TTC21A: variants seen among roughly 807,000 people sequenced by gnomAD.
The protein encoded by TTC21A is tetratricopeptide repeat domain 21A.
Under a neutral mutation model 156.4 loss-of-function variants are expected in TTC21A, and 128 were observed. The observed-to-expected ratio is 0.82, with a 90% CI of 0.71 to 0.95. TTC21A has a LOEUF of 0.95. Among genes scored for constraint, TTC21A ranks in the 40% least tolerant of loss-of-function variants. The pLI, the probability that TTC21A is intolerant of heterozygous loss-of-function variation, is 0.00. For synonymous variants in TTC21A, 587 were observed against 617.1 expected (o/e 0.95, Z 0.72); for missense variants, 1,435 against 1,602.3 (o/e 0.90, Z 1.78).
intron 8 of TTC21A, among the ~76,000 whole-genome samples, chr3:39,120,381 C>T (rs1234511362): frequency 6.6e-6 from 1 of 152,188 alleles, no homozygotes; most frequent in East Asian, 1.9e-4. Flanking sequence ...GTGCCCATCT[C>T]CCATATTCTT....
intron 6 of TTC21A, among the ~76,000 whole-genome samples, chr3:39,117,656 T>A (rs2037406440): frequency 6.6e-6 from 1 of 152,184 alleles, no homozygotes; most frequent in Non-Finnish European, 1.5e-5. Flanking sequence ...CAGGCAAAGT[T>A]GGTGGTGGCT....
Position 39,110,063 on chromosome 3 carries a change from C to T in TTC21A, c.192C>T (p.Ser64=). 3 of 1,614,126 alleles carry T rather than the reference C, an allele frequency of 1.9e-6. No individual in the cohort carries two copies. Among genetic ancestry groups the T allele is most frequent in the Non-Finnish European group, 2.5e-6 (3 of 1,180,004 alleles). The change falls in exon 3 of 29, where the codon AGC becomes AGT. Residue 64 remains serine (S), a synonymous_variant. Transcript: ENST00000683103. ...AGGATGCCATCAGTGACCTGGAAAG[C>T]ATCAGGCATCACCCAGACGTGTCCC... ...HIQDAISDLE[S]IRHHPDVSLC...
At chr3:39,136,576 C>T (rs1214930821) in intron 23 of TTC21A, 69 bp downstream of exon 23, 1 of 1,547,188 alleles carries the variant, frequency 6.5e-7, no homozygotes, top group African/African-American at 1.4e-5. Context: ...AGGCTAGGCC[C>T]TTGCTCTGCA....
chr3:39,112,627 C>G, intron 5 of TTC21A, 47 bp downstream of exon 5: 1 of 1,605,558 alleles, frequency 6.2e-7, no homozygotes, highest in South Asian at 1.1e-5. Flanking sequence ...GGCCAGGCCA[C>G]TGGAACCAGA....
intron 15 of TTC21A, 112 bp downstream of exon 15, chr3:39,129,422 G>A (rs2038550545): frequency 7.4e-6 from 6 of 813,424 alleles, no homozygotes; most frequent in Non-Finnish European, 1.2e-5. Flanking sequence ...TCCTTGGAGT[G>A]TAGTTGATGA....
At chr3:39,128,975 T>C in intron 14 of TTC21A, 43 bp downstream of exon 14, 2 of 1,610,624 alleles carry the variant, frequency 1.2e-6, no homozygotes, top group Non-Finnish European at 1.7e-6. Context: ...TGGGGCACAC[T>C]GGAGGCTCAG....
intron 8 of TTC21A, 24 bp from the exon 9 acceptor site, chr3:39,120,973 T>C: frequency 6.3e-7 from 1 of 1,575,272 alleles, no homozygotes; most frequent in Non-Finnish European, 8.6e-7. Context: ...GGTTTCCCAA[T>C]TCCCACCTTC....
At chr3:39,133,431 AC>A (rs1202684396) in intron 20 of TTC21A, among the ~76,000 whole-genome samples, 191 bp downstream of exon 20, 1 of 152,206 alleles carries the variant, frequency 6.6e-6, no homozygotes, top group Non-Finnish European at 1.5e-5. Flanking sequence ...CTGGGGCCTC[AC>A]CTGCTGCAGC....
intron 7 of TTC21A, 35 bp from the exon 8 acceptor site, chr3:39,119,887 C>G (rs775858529): frequency 6.8e-7 from 1 of 1,464,666 alleles, no homozygotes; most frequent in Non-Finnish European, 9.5e-7. Context: ...GACCTTGCAC[C>G]TTGCATGTTG....
At chr3:39,111,775 T>G (rs1166254298) in intron 4 of TTC21A, among the ~76,000 whole-genome samples, 1 of 152,162 alleles carries the variant, frequency 6.6e-6, no homozygotes, top group Non-Finnish European at 1.5e-5. Context: ...AAACAGTATC[T>G]AAAGAGACTC....
intron 21 of TTC21A, 64 bp from the exon 22 acceptor site, chr3:39,135,029 T>G: frequency 2.0e-4 from 156 of 793,144 alleles, no homozygotes; most frequent in Non-Finnish European, 2.9e-4. Context: ...ACCCCCCGCC[T>G]CCCCCTACAC....
chr3:39,137,813 G>A, intron 26 of TTC21A, 103 bp downstream of exon 26: 1 of 1,262,324 alleles, frequency 7.9e-7, no homozygotes, highest in Non-Finnish European at 1.1e-6. Context: ...TATGGAATAA[G>A]AACTAGTCGG....
chr3:39,123,767 A>T (rs1248159294), intron 9 of TTC21A, among the ~76,000 whole-genome samples: 1 of 152,218 alleles, frequency 6.6e-6, no homozygotes. Flanking sequence ...GTACTGTAAA[A>T]ATAGTTAAAG....
At chr3:39,114,481 G>A in intron 5 of TTC21A, 104 bp from the exon 6 acceptor site, 1 of 1,180,910 alleles carries the variant, frequency 8.5e-7, no homozygotes, top group Non-Finnish European at 1.2e-6. Flanking sequence ...CCATGTGTCA[G>A]GTTCTGTTCC....
At chr3:39,132,125 C>T (rs1575552386) in intron 19 of TTC21A, among the ~76,000 whole-genome samples, 1 of 152,140 alleles carries the variant, frequency 6.6e-6, no homozygotes, top group East Asian at 1.9e-4. Context: ...CTACTGAATA[C>T]TGTAGACAGT....
intron 6 of TTC21A, among the ~76,000 whole-genome samples, chr3:39,116,134 CTGTGCCCA>C (rs2037271440): frequency 6.6e-6 from 1 of 152,264 alleles, no homozygotes; most frequent in Admixed American, 6.5e-5. Flanking sequence ...CCTGGCCCTG[CTGTGCCCA>C]TGTGCAGGGA....
intron 11 of TTC21A, 56 bp downstream of exon 11, chr3:39,125,588 C>A: frequency 7.7e-7 from 1 of 1,301,880 alleles, no homozygotes; most frequent in Non-Finnish European, 1.1e-6. Context: ...TTGGATGGTG[C>A]CCACCTGAAG....
intron 1 of TTC21A, 142 bp downstream of exon 1, chr3:39,108,006 C>T (rs1377929217): frequency 4.9e-6 from 5 of 1,016,844 alleles, no homozygotes; most frequent in Non-Finnish European, 5.8e-6. Context: ...CCCCACTCCC[C>T]CTGGCAAGGG....
Position 39,133,162 on chromosome 3 carries a change from C to G in TTC21A, c.2673C>G (p.His891Gln). ...CTATCTGCATCCAATTTGCAGAGCA[C>G]TACCTGGCAGAGAAAGAGTATGACA... ...AASICIQFAE[H>Q]YLAEKEYDKA... is the part of the protein sequence containing the mutation. The change falls in exon 20 of 29, where the codon CAC (histidine) becomes CAG (glutamine). Residue 891 changes from histidine to glutamine, a missense_variant. Transcript: ENST00000683103. 1 of 1,614,238 alleles carries G rather than the reference C, an allele frequency of 6.2e-7. No individual in the cohort carries two copies. The highest frequency in any genetic ancestry group is 1.1e-5 in the South Asian group (1 of 91,084).
Sources: allele counts gnomAD v4.1 joint callset (sites outside exome capture counted in the v4.1 genomes callset), GRCh38; gene constraint gnomAD v4.1.1; transcripts MANE v1.5; gene names NCBI Gene and HGNC (gene_info 2026-07-23, HGNC 2026-07-21).